UGT1A10: variants seen among roughly 807,000 people sequenced by gnomAD.
UGT1A10 encodes UDP-glucuronosyltransferase 1A10.
Under a neutral mutation model 45.8 loss-of-function variants are expected in UGT1A10, and 49 were observed. That is an observed-to-expected ratio of 1.07 (90% CI 0.85 to 1.36). UGT1A10 has a LOEUF of 1.36. Ranked by LOEUF, UGT1A10 falls within the 40% of genes most tolerant of loss-of-function variation. The probability of loss-of-function intolerance (pLI) is 0.00; values close to 1 mark genes in which losing one functional copy is unlikely to be tolerated. For missense variants in UGT1A10, 745 were observed against 668.6 expected, an observed-to-expected ratio of 1.11 and a Z score of -1.26; for synonymous variants, 284 against 249.7, an observed-to-expected ratio of 1.14 and a Z score of -1.29.
At chr2:233,766,995 T>C in intron 1 of UGT1A10, 39 bp from the exon 2 acceptor site, 2 of 1,613,538 alleles carry the variant, frequency 1.2e-6, no homozygotes, top group Admixed American at 1.7e-5. Context: ...TCAAAGAATA[T>C]GAGAAAAAAT....
Position 233,760,797 on chromosome 2 carries a change from C to A in UGT1A10, c.856-6237C>A, listed in dbSNP as rs780028785. 1.9e-6 allele frequency: 3 copies of A among 1,613,492 alleles called. No individual in the cohort carries two copies. The highest frequency in any genetic ancestry group is 1.1e-5 in the South Asian group (1 of 91,076). The stretch of plus-strand genomic sequence containing the variant: ...AGTACCTGTCTCTGCCCACTGTATT[C>A]TTCTTGCATGCACTGCCATGCAGCC... On this transcript the variant is annotated intron_variant, in intron 1 of 4. Coordinates refer to ENST00000344644, the MANE Select transcript of UGT1A10 (RefSeq NM_019075.4).
intron 1 of UGT1A10, among the ~76,000 whole-genome samples, chr2:233,657,087 G>A (rs2073871669): frequency 6.6e-6 from 1 of 152,078 alleles, no homozygotes; most frequent in Non-Finnish European, 1.5e-5. Flanking sequence ...CCCTAAGAAT[G>A]TGATACCCAA....
intron 1 of UGT1A10, among the ~76,000 whole-genome samples, chr2:233,652,285 T>G (rs1486820161): frequency 6.6e-6 from 1 of 152,228 alleles, no homozygotes; most frequent in Non-Finnish European, 1.5e-5. Context: ...TTGTCAAAGT[T>G]TTCAAATGTA....
At chr2:233,756,596 T>C (rs985647767) in intron 1 of UGT1A10, among the ~76,000 whole-genome samples, 4 of 152,230 alleles carry the variant, frequency 2.6e-5, no homozygotes, top group African/African-American at 7.2e-5. Context: ...CTATTTACTG[T>C]ATCGAAACCA....
chr2:233,679,874 T>C (rs2074464966), intron 1 of UGT1A10, among the ~76,000 whole-genome samples: 1 of 152,180 alleles, frequency 6.6e-6, no homozygotes, highest in Non-Finnish European at 1.5e-5. Context: ...GCCTTTCTTA[T>C]AGCAATCCTA....
At chr2:233,728,575 A>G (rs1420675714) in intron 1 of UGT1A10, among the ~76,000 whole-genome samples, 5 of 152,224 alleles carry the variant, frequency 3.3e-5, no homozygotes, top group Non-Finnish European at 7.3e-5. Context: ...TCCTGGTGCG[A>G]AAAACGACCA....
chr2:233,729,786 G>C, intron 1 of UGT1A10: 4 of 1,613,972 alleles, frequency 2.5e-6, no homozygotes, highest in Non-Finnish European at 3.4e-6. Context: ...CTCTGGCCCT[G>C]TCCTACATTT....
intron 1 of UGT1A10, chr2:233,729,861 G>A (rs760591415): frequency 6.8e-6 from 11 of 1,613,756 alleles, no homozygotes; most frequent in Non-Finnish European, 8.5e-7. Flanking sequence ...AGGTGTCAGT[G>A]GTGGATATTC....
rs1700546112 is a variant in UGT1A10 at position 233,772,763 on chromosome 2, C to T, written c.*204C>T. ...TAAAGATATTTGAATATGTATCGTGCCCCCTCTGGTGTCTTTGATCAGGAT... is the reference window on the plus strand; with the variant it reads ...TAAAGATATTTGAATATGTATCGTGTCCCCTCTGGTGTCTTTGATCAGGAT... On this transcript the variant is annotated 3_prime_UTR_variant, in exon 5 of 5. Transcript: ENST00000344644. 1 of 1,384,392 alleles carries T rather than the reference C, an allele frequency of 7.2e-7. No individual in the cohort carries two copies. Among genetic ancestry groups the T allele is most frequent in the South Asian group, 1.5e-5 (1 of 65,502 alleles). The allele number at this position is 1,384,392 out of a possible 1,614,324, so 85.8% of individuals were successfully genotyped here. A position where few individuals can be genotyped will look rare whatever the true frequency, so the allele number is the denominator to read the frequency against.
In UGT1A10 at chr2:233,705,458, A is replaced by C. The variant is rs1256694964; in HGVS notation, c.856-61576A>C. On this transcript the variant is annotated intron_variant, in intron 1 of 4. Transcript: ENST00000344644. ...TCCTTCAGAATTGCACATATTTTTTAGCAGACACACATGAGGCAAATTTAA... is the reference window on the plus strand; with the variant it reads ...TCCTTCAGAATTGCACATATTTTTTCGCAGACACACATGAGGCAAATTTAA... Among the ~76,000 whole-genome samples the C allele has an allele frequency of 2.6e-5, 4 of 152,214 alleles. No individual in the cohort carries two copies. In the East Asian group the frequency reaches 7.7e-4, roughly 29 times the overall value.
chr2:233,734,914 A>G (rs7576166), intron 1 of UGT1A10, among the ~76,000 whole-genome samples: 69,332 of 152,022 alleles, frequency 0.46, 17,225 homozygotes, highest in African/African-American at 0.66. Context: ...TACATTTGCT[A>G]AGGAGTGCTT....
At chr2:233,724,348 C>T (rs1263010840) in intron 1 of UGT1A10, among the ~76,000 whole-genome samples, 5 of 144,562 alleles carry the variant, frequency 3.5e-5, no homozygotes, top group Non-Finnish European at 7.6e-5. Flanking sequence ...TGACCCCCCC[C>T]ACCTCCCTCC....
chr2:233,766,941 CTT>C (rs1181613767), intron 1 of UGT1A10, 91 bp from the exon 2 acceptor site: 3 of 1,595,132 alleles, frequency 1.9e-6, no homozygotes, highest in African/African-American at 2.7e-5. Flanking sequence ...TAATCATAGT[CTT>C]AAGAGGAAGA....
intron 1 of UGT1A10, among the ~76,000 whole-genome samples, chr2:233,680,199 A>C (rs1255764712): frequency 1.3e-5 from 2 of 152,172 alleles, no homozygotes; most frequent in African/African-American, 4.8e-5. Flanking sequence ...CAGCATCATT[A>C]GTTGCACTTT....
chr2:233,704,256 C>CTTTTTTTTTTT (rs59925871), intron 1 of UGT1A10, among the ~76,000 whole-genome samples: 4 of 123,654 alleles, frequency 3.2e-5, no homozygotes, highest in Non-Finnish European at 6.5e-5. Flanking sequence ...GCCTTTATTG[C>CTTTTTTTTTTT]TTTTTTTTTT....
intron 1 of UGT1A10, chr2:233,755,137 T>A: frequency 7.6e-7 from 1 of 1,310,376 alleles, no homozygotes; most frequent in Non-Finnish European, 1.0e-6. Context: ...TGCTTGAATC[T>A]TCTCACCGCT....
intron 1 of UGT1A10, among the ~76,000 whole-genome samples, chr2:233,669,745 G>A (rs991945091): frequency 6.6e-6 from 1 of 152,044 alleles, no homozygotes; most frequent in African/African-American, 2.4e-5. Context: ...GTATAATGGC[G>A]TGATCTCAGC....
intron 1 of UGT1A10, among the ~76,000 whole-genome samples, chr2:233,763,075 G>A (rs563223055): frequency 3.9e-5 from 6 of 152,246 alleles, no homozygotes; most frequent in African/African-American, 1.2e-4. Flanking sequence ...CCTTCTTTGC[G>A]TGAGGATGTT....
intron 1 of UGT1A10, among the ~76,000 whole-genome samples, chr2:233,666,995 C>T (rs1156968947): frequency 2.6e-5 from 4 of 152,128 alleles, no homozygotes; most frequent in Admixed American, 6.5e-5. Context: ...TTTTTTATGG[C>T]TGCATAGTAT....
Sources: gnomAD v4.1 joint callset for allele counts (sites outside exome capture counted in the v4.1 genomes callset) on GRCh38, gnomAD v4.1.1 for gene constraint, MANE v1.5 for transcripts, NCBI Gene and HGNC (gene_info 2026-07-23, HGNC 2026-07-21) for gene names.